Variants in DSCAM observed in about 807,000 individuals in gnomAD.
DSCAM encodes cell adhesion molecule DSCAM.
DSCAM carries 47 observed loss-of-function variants against 217.7 expected under a neutral mutation model. The ratio of observed to expected loss-of-function variants is 0.22; its 90% CI spans 0.17 to 0.28. DSCAM has a LOEUF of 0.28. Ranked by LOEUF, DSCAM falls within the 10% of genes least tolerant of loss-of-function variation. The probability of loss-of-function intolerance (pLI) is 1.00; values close to 1 mark genes in which losing one functional copy is unlikely to be tolerated. For synonymous variants in DSCAM, 1,056 were observed against 1,015.3 expected, an observed-to-expected ratio of 1.04 and a Z score of -0.76; for missense variants, 2,080 against 2,618.3, an observed-to-expected ratio of 0.79 and a Z score of 4.49.
chr21:40,508,590 A>G (rs1012373824), intron 3 of DSCAM, among the ~76,000 whole-genome samples: 3 of 151,158 alleles, frequency 2.0e-5, no homozygotes, highest in Non-Finnish European at 2.9e-5. Flanking sequence ...TTATTTAAAG[A>G]TAGAGTCTTG....
chr21:40,290,012 C>A (rs146559330), intron 10 of DSCAM, among the ~76,000 whole-genome samples: 1 of 152,114 alleles, frequency 6.6e-6, no homozygotes, highest in East Asian at 1.9e-4. Flanking sequence ...CCGGAGTTGG[C>A]ACAAAGAAGA....
At chr21:40,242,067 GATAAA>G (rs935934632) in intron 11 of DSCAM, among the ~76,000 whole-genome samples, 1 of 151,872 alleles carries the variant, frequency 6.6e-6, no homozygotes, top group African/African-American at 2.4e-5. Context: ...ATACCTGGGT[GATAAA>G]ATAATCTGTA....
At chr21:40,027,549 C>A (rs1203252552) in intron 32 of DSCAM, among the ~76,000 whole-genome samples, 1 of 115,168 alleles carries the variant, frequency 8.7e-6, no homozygotes, top group Non-Finnish European at 1.8e-5. Context: ...CACATAGTCC[C>A]ATATTTCTTG....
chr21:40,433,253 G>A (rs2075552423), intron 3 of DSCAM, among the ~76,000 whole-genome samples: 2 of 150,792 alleles, frequency 1.3e-5, no homozygotes, highest in Non-Finnish European at 2.9e-5. Flanking sequence ...GGAGGCTGAG[G>A]CAGAAGAATT....
intron 3 of DSCAM, among the ~76,000 whole-genome samples, chr21:40,476,813 G>A (rs1208922534): frequency 2.0e-5 from 3 of 152,034 alleles, no homozygotes; most frequent in Non-Finnish European, 2.9e-5. Flanking sequence ...AAGAATGAGT[G>A]GAAAGTTCTC....
intron 3 of DSCAM, among the ~76,000 whole-genome samples, chr21:40,547,014 C>T (rs1023276317): frequency 6.6e-6 from 1 of 152,016 alleles, no homozygotes; most frequent in Non-Finnish European, 1.5e-5. Context: ...CCATGTCAAC[C>T]CCATCCAAAT....
At position 40,570,893 on chromosome 21, in the gene DSCAM, A is replaced by G. The variant is rs150752425; in HGVS notation, c.508+121917T>C. On this transcript the variant is annotated intron_variant, in intron 3 of 32. Transcript: ENST00000400454. ...ATCCAAGACCTGTGTAAAAATATCA[A>G]TCAATATAAACAATTGGAATCCCAG... Among the ~76,000 whole-genome samples the G allele has an allele frequency of 8.1e-3, 1,234 of 152,314 alleles. 10 individuals carry two copies. Among genetic ancestry groups the G allele is most frequent in the African/African-American group, 0.028 (1,154 of 41,574 alleles).
At chr21:40,762,259 T>C (rs56385227) in intron 1 of DSCAM, among the ~76,000 whole-genome samples, 3,498 of 150,964 alleles carry the variant, frequency 0.023, 61 homozygotes, top group Middle Eastern at 0.034. Flanking sequence ...ATAGACACAA[T>C]AAAAAAATGA....
chr21:40,273,074 AT>A (rs1195132740), intron 11 of DSCAM, among the ~76,000 whole-genome samples: 1 of 151,624 alleles, frequency 6.6e-6, no homozygotes, highest in African/African-American at 2.4e-5. Flanking sequence ...TGGCCTTTTA[AT>A]TTTTTTTCAG....
rs749398798 is a variant in DSCAM, at chr21:40,780,411, G to GTATA, written c.43+66207_43+66208insTATA. Among the ~76,000 whole-genome samples the GTATA allele has an allele frequency of 7.9e-3, 700 of 88,256 alleles. 13 individuals carry two copies. The highest frequency in any genetic ancestry group is 0.012 in the Non-Finnish European group (485 of 40,102). The allele number at this position is 88,256 out of a possible 152,430, so 57.9% of individuals were successfully genotyped here. On this transcript the variant is annotated intron_variant, in intron 1 of 32. Coordinates refer to ENST00000400454, the MANE Select transcript of DSCAM (RefSeq NM_001389.5). ...TCCAAATATAAACGTGTGTGTGTGT[G>GTATA]TGTGTGTGTGTGTATATATATATAT...
At chr21:40,831,943 A>T (rs1221558016) in intron 1 of DSCAM, among the ~76,000 whole-genome samples, 1 of 152,336 alleles carries the variant, frequency 6.6e-6, no homozygotes, top group East Asian at 1.9e-4. Context: ...CAGCTTGAAA[A>T]CTTCAAATGA....
At chr21:40,402,928 A>G (rs1018238622) in intron 3 of DSCAM, among the ~76,000 whole-genome samples, 3 of 152,112 alleles carry the variant, frequency 2.0e-5, no homozygotes, top group African/African-American at 4.8e-5. Context: ...TACAGGAAAA[A>G]ATGAATTAAC....
At chr21:40,728,423 T>G (rs1236475372) in intron 1 of DSCAM, among the ~76,000 whole-genome samples, 1 of 152,060 alleles carries the variant, frequency 6.6e-6, no homozygotes, top group Non-Finnish European at 1.5e-5. Context: ...ATGATTCTTT[T>G]TTTTTTTTAT....
At chr21:40,706,883 T>C (rs1437959369) in intron 2 of DSCAM, among the ~76,000 whole-genome samples, 1 of 152,184 alleles carries the variant, frequency 6.6e-6, no homozygotes, top group Non-Finnish European at 1.5e-5. Flanking sequence ...ACTGATACAG[T>C]AGTCATCCAT....
intron 1 of DSCAM, among the ~76,000 whole-genome samples, chr21:40,749,886 C>T (rs1896622255): frequency 6.6e-6 from 1 of 152,032 alleles, no homozygotes; most frequent in Admixed American, 6.6e-5. Context: ...CTTGTTATTT[C>T]TCCCACGTAG....
chr21:40,397,644 T>C (rs1412985802), intron 3 of DSCAM, among the ~76,000 whole-genome samples: 1 of 152,110 alleles, frequency 6.6e-6, no homozygotes, highest in Admixed American at 6.6e-5. Flanking sequence ...TGGCGAGCAG[T>C]AGGACCTAGA....
At chr21:40,666,763 A>G (rs1301074354) in intron 3 of DSCAM, among the ~76,000 whole-genome samples, 1 of 152,230 alleles carries the variant, frequency 6.6e-6, no homozygotes, top group Non-Finnish European at 1.5e-5. Flanking sequence ...GCTAGACAAC[A>G]ATGACATAAA....
At chr21:40,815,536 G>A (rs2091873774) in intron 1 of DSCAM, among the ~76,000 whole-genome samples, 1 of 152,176 alleles carries the variant, frequency 6.6e-6, no homozygotes, top group South Asian at 2.1e-4. Flanking sequence ...GAGCACCACT[G>A]TCTTCTAGGG....
intron 3 of DSCAM, among the ~76,000 whole-genome samples, chr21:40,607,638 T>G (rs2089258582): frequency 6.6e-6 from 1 of 152,080 alleles, no homozygotes; most frequent in South Asian, 2.1e-4. Flanking sequence ...ACTGTTCTCA[T>G]GCTACTGAAT....
Sources: gnomAD v4.1 joint callset for allele counts (sites outside exome capture counted in the v4.1 genomes callset) on GRCh38, gnomAD v4.1.1 for gene constraint, MANE v1.5 for transcripts, NCBI Gene and HGNC (gene_info 2026-07-23, HGNC 2026-07-21) for gene names.